The following KIAA0319L variants were observed in gnomAD, a reference collection of about 807,000 sequenced individuals.
KIAA0319L encodes the protein dyslexia-associated protein KIAA0319-like protein.
In KIAA0319L, 55 loss-of-function variants were observed where a neutral mutation model predicts 120.1. That is an observed-to-expected ratio of 0.46 (90% CI 0.37 to 0.57). KIAA0319L has a LOEUF of 0.57. Among genes scored for constraint, KIAA0319L ranks in the 20% least tolerant of loss-of-function variants. The pLI is 0.00. For missense variants in KIAA0319L, 1,049 were observed against 1,255.3 expected (o/e 0.84, Z 2.48); for synonymous variants, 398 against 471.9 (o/e 0.84, Z 2.03).
Position 35,453,247 on chromosome 1 carries a change from C to T in KIAA0319L, c.1913+310G>A, listed in dbSNP as rs971629726. 2.6e-5 allele frequency among the ~76,000 whole-genome samples: 4 copies of T among 152,200 alleles called. No homozygotes were observed. Among genetic ancestry groups the T allele is most frequent in the African/African-American group, 9.6e-5 (4 of 41,454 alleles). On this transcript the variant is annotated intron_variant, in intron 12 of 20. Transcript: ENST00000325722. This position sits in a 1 kb window ranked among gnomAD's most constrained non-coding sequence, Gnocchi z 4.1. Reference sequence around the variant, plus strand: ...GCAACAGTATTTTTCTGCTCCATTACCCCTTCCATCCTGCCTCTCAAGTGT... The same window carrying T: ...GCAACAGTATTTTTCTGCTCCATTATCCCTTCCATCCTGCCTCTCAAGTGT...
rs1218501242 is a variant in KIAA0319L at position 35,434,126 on chromosome 1, T to C, written c.*768A>G. On this transcript the variant is annotated 3_prime_UTR_variant, in exon 21 of 21. Coordinates refer to ENST00000325722, the MANE Select transcript of KIAA0319L (RefSeq NM_024874.5). The stretch of plus-strand genomic sequence containing the variant: ...TTTTGACGGAGTCTTGCTCTGTCAC[T>C]CAGGCTGGAGTGCAGTGGCACGATC... 1 of 142,998 alleles carries C rather than the reference T, an allele frequency of 7.0e-6. No individual in the cohort carries two copies. The highest frequency in any genetic ancestry group is 1.5e-5 in the Non-Finnish European group (1 of 66,076). 8.9% of individuals were successfully genotyped at this position (142,998 alleles called of 1,614,324 possible).
chr1:35,460,338 A>T lies in KIAA0319L; in HGVS notation c.1394T>A (p.Leu465Gln), dbSNP rs1438300189. 1 of 1,613,244 alleles carries T rather than the reference A, an allele frequency of 6.2e-7. No individual in the cohort carries two copies. The highest frequency in any genetic ancestry group is 8.5e-7 in the Non-Finnish European group (1 of 1,179,528). Residue 465 changes from leucine to glutamine, a missense_variant, in exon 9 of 21, where the codon CTA becomes CAA. Leu to Gln is a moderately radical substitution (Grantham distance 113). Transcript: ENST00000325722. ...GTAGTTCCCAGGGACGAGTTTACTT[A>T]GTTTTAATATGGCTGTATCTTCAGA... ...KISEDTAILK[L>Q]SKLVPGNYTF...
rs113777161 is a variant in KIAA0319L, at chr1:35,466,918, C to T, written c.1114-223G>A. Among the ~76,000 whole-genome samples, 45 of 152,168 alleles carry T rather than the reference C, an allele frequency of 3.0e-4. 1 individual carries two copies. The highest frequency in any genetic ancestry group is 1.0e-3 in the African/African-American group (43 of 41,506). On this transcript the variant is annotated intron_variant, in intron 6 of 20. Transcript: ENST00000325722. ...ACCAGCCTGGGCAATATGCCAAAAC[C>T]CCATCTCTACCAAAAATACAAAAAT...
At chr1:35,450,138 A>C (rs531974339) in intron 14 of KIAA0319L, 133 bp from the exon 15 acceptor site, 1 of 1,140,970 alleles carries the variant, frequency 8.8e-7, no homozygotes, top group African/African-American at 1.5e-5. Flanking sequence ...CTGATACGGA[A>C]CAGCATTGCA....
intron 2 of KIAA0319L, among the ~76,000 whole-genome samples, chr1:35,546,066 T>C (rs1408450289): frequency 6.6e-6 from 1 of 152,118 alleles, no homozygotes; most frequent in Non-Finnish European, 1.5e-5. Flanking sequence ...ATGTGCAGCG[T>C]ACAGATGGCT....
intron 6 of KIAA0319L, among the ~76,000 whole-genome samples, chr1:35,470,579 A>C (rs556672606): frequency 1.3e-5 from 2 of 152,068 alleles, no homozygotes; most frequent in Non-Finnish European, 2.9e-5. Context: ...GCCACAAATA[A>C]CCTAGCTTAT....
In KIAA0319L at chr1:35,437,922, C is replaced by T. The variant is rs746386380; in HGVS notation, c.2963-2841G>A. Among the ~76,000 whole-genome samples the T allele has an allele frequency of 2.0e-5, 3 of 152,178 alleles. No homozygotes were observed. Among genetic ancestry groups the T allele is most frequent in the Non-Finnish European group, 2.9e-5 (2 of 68,032 alleles). On this transcript the variant is annotated intron_variant, in intron 20 of 20. Coordinates refer to ENST00000325722, the MANE Select transcript of KIAA0319L (RefSeq NM_024874.5). This position sits in a 1 kb window ranked among gnomAD's most constrained non-coding sequence, Gnocchi z 4.1. ...TGATTCTGTCAACAGCACTATCATT[C>T]TCCATCTCTCGGTTGGAAGTCAGCC...
At chr1:35,550,069 A>T (rs1647141991) in intron 2 of KIAA0319L, among the ~76,000 whole-genome samples, 1 of 152,258 alleles carries the variant, frequency 6.6e-6, no homozygotes, top group African/African-American at 2.4e-5. Context: ...ACAGAAAAAT[A>T]GCCATTCCAT....
chr1:35,516,632 C>T (rs781381446), intron 2 of KIAA0319L, among the ~76,000 whole-genome samples: 13 of 152,064 alleles, frequency 8.5e-5, no homozygotes, highest in Non-Finnish European at 1.6e-4. Flanking sequence ...GCATTCCCTT[C>T]GAAAACCAGC....
intron 5 of KIAA0319L, among the ~76,000 whole-genome samples, chr1:35,472,613 T>C (rs1643692819): frequency 1.3e-5 from 2 of 151,194 alleles, no homozygotes; most frequent in Admixed American, 1.3e-4. Context: ...GTTTTGAAAA[T>C]GGACCTGGAG....
chr1:35,514,364 TAA>T, intron 2 of KIAA0319L, among the ~76,000 whole-genome samples: 1 of 140,976 alleles, frequency 7.1e-6, no homozygotes, highest in South Asian at 2.2e-4. Context: ...TGCTAGGGAT[TAA>T]AAAAAAAAAA....
intron 5 of KIAA0319L, among the ~76,000 whole-genome samples, chr1:35,473,401 G>T (rs1050733742): frequency 6.6e-6 from 1 of 152,032 alleles, no homozygotes; most frequent in East Asian, 1.9e-4. Context: ...CCTGGCCAAA[G>T]AATCTATTTC....
intron 2 of KIAA0319L, among the ~76,000 whole-genome samples, chr1:35,531,828 T>C (rs1259893844): frequency 1.3e-5 from 2 of 152,130 alleles, no homozygotes; most frequent in African/African-American, 4.8e-5. Context: ...ACTCGGGCCC[T>C]TATATCTTCG....
intron 6 of KIAA0319L, 139 bp from the exon 7 acceptor site, chr1:35,466,834 C>A: frequency 1.6e-6 from 1 of 640,734 alleles, no homozygotes. Flanking sequence ...GGTAAAGTAG[C>A]CTGTAATCCT....
chr1:35,456,272 G>A, intron 9 of KIAA0319L, 31 bp from the exon 10 acceptor site: 2 of 1,405,752 alleles, frequency 1.4e-6, no homozygotes, highest in Non-Finnish European at 9.7e-7. Flanking sequence ...GTGTGATCAG[G>A]GACGGGTTTA....
intron 2 of KIAA0319L, among the ~76,000 whole-genome samples, chr1:35,524,929 T>A (rs1223095859): frequency 6.6e-6 from 1 of 152,176 alleles, no homozygotes; most frequent in East Asian, 1.9e-4. Flanking sequence ...CTACAGAACA[T>A]TAGAATTTGT....
intron 2 of KIAA0319L, among the ~76,000 whole-genome samples, chr1:35,534,116 G>A (rs899802676): frequency 6.6e-6 from 1 of 152,192 alleles, no homozygotes; most frequent in Non-Finnish European, 1.5e-5. Context: ...TTGAAAGGTG[G>A]CAGCTGCCTC....
rs775475906 is a variant in KIAA0319L at position 35,449,909 on chromosome 1, C to T, written c.2311G>A (p.Gly771Ser). 1 of 1,614,034 alleles carries T rather than the reference C, an allele frequency of 6.2e-7. No individual in the cohort carries two copies. The highest frequency in any genetic ancestry group is 8.5e-7 in the Non-Finnish European group (1 of 1,179,954). The change falls in exon 15 of 21, where the codon GGT becomes AGT. Residue 771 changes from glycine (G) to serine (S), a missense_variant. Gly to Ser is a moderately conservative substitution (Grantham distance 56). Transcript: ENST00000325722. ...TFHLKVTDAK[G>S]ESDTDRTTVE... ...GTGGTCCGGTCTGTGTCACTCTCAC[C>T]CTTTGCATCGGTCACTTTCAGGTGA...
chr1:35,554,312 T>A (rs201359133), intron 2 of KIAA0319L, 38 bp downstream of exon 2: 327 of 1,175,718 alleles, frequency 2.8e-4, no homozygotes, highest in Non-Finnish European at 3.6e-4. Context: ...TGCCCTTTTC[T>A]AAAAAAAAAA....
Sources: allele counts gnomAD v4.1 joint callset (sites outside exome capture counted in the v4.1 genomes callset), GRCh38; gene constraint gnomAD v4.1.1; non-coding constraint Gnocchi (gnomAD v3.1); transcripts MANE v1.5; gene names NCBI Gene and HGNC (gene_info 2026-07-23, HGNC 2026-07-21).